The following NPHS1 variants were observed in gnomAD, a reference collection of about 807,000 sequenced individuals.
NPHS1 encodes nephrin.
A neutral mutation model predicts 139.7 loss-of-function variants in NPHS1; 107 were observed. That is an observed-to-expected ratio of 0.77 (90% CI 0.66 to 0.90). The LOEUF is 0.90. Ranked by LOEUF, NPHS1 falls within the 40% of genes least tolerant of loss-of-function variation. The pLI, the probability that NPHS1 is intolerant of heterozygous loss-of-function variation, is 0.00. For missense variants in NPHS1, 1,580 were observed against 1,654.2 expected, an observed-to-expected ratio of 0.96 and a Z score of 0.78; for synonymous variants, 707 against 706.6, an observed-to-expected ratio of 1.00 and a Z score of -0.01.
intron 23 of NPHS1, among the ~76,000 whole-genome samples, chr19:35,835,199 CAAAAAAA>C (rs71167570): frequency 2.8e-5 from 2 of 71,212 alleles, no homozygotes; most frequent in African/African-American, 1.1e-4. Context: ...GACTCTGTCT[CAAAAAAA>C]AAAAAAAAAA....
intron 22 of NPHS1, among the ~76,000 whole-genome samples, chr19:35,838,036 G>A (rs1340759365): frequency 6.6e-6 from 1 of 150,564 alleles, no homozygotes; most frequent in Non-Finnish European, 1.5e-5. Context: ...TGGATCACCT[G>A]AGGTCAGGAG....
In NPHS1 at chr19:35,849,495, C is replaced by T. The variant is rs1973197187; in HGVS notation, c.712+55G>A. The T allele has an allele frequency of 2.5e-6, 4 of 1,594,912 alleles. No individual in the cohort carries two copies. The African/African-American group carries it at 4.0e-5, about 16-fold the overall frequency. On this transcript the variant is annotated intron_variant, in intron 6 of 28. Transcript: ENST00000378910. ...ATAATCCCTGTGATCCCCCCACACC[C>T]CCCAGTGCCTGCTCCCCATCCTCAG...
At position 35,837,026 on chromosome 19, in the gene NPHS1, A is replaced by AAAAGAAAGAAAGAAAG. The variant is rs201666209; in HGVS notation, c.3110-1281_3110-1266dup. 8.2e-3 allele frequency among the ~76,000 whole-genome samples: 1,084 copies of AAAAGAAAGAAAGAAAG among 131,880 alleles called. 7 individuals are homozygous for AAAAGAAAGAAAGAAAG. The highest frequency in any genetic ancestry group is 0.01 in the Non-Finnish European group (667 of 64,190). The allele number at this position is 131,880 out of a possible 152,430, so 86.5% of individuals were successfully genotyped here. Reference sequence around the variant, plus strand: ...AAAAAAAAAAGAAAGAAAAGAAAAGAAAAGAAAGAAAGAAAGAAAGAAAGA... The same window carrying AAAAGAAAGAAAGAAAG: ...AAAAAAAAAAGAAAGAAAAGAAAAGAAAAGAAAGAAAGAAAGAAAGAAAGAAAGAAAGAAAGAAAGA... On this transcript the variant is annotated intron_variant, in intron 22 of 28. Coordinates refer to ENST00000378910, the MANE Select transcript of NPHS1 (RefSeq NM_004646.4).
Position 35,826,291 on chromosome 19 carries a change from T to C in NPHS1, c.*223A>G, listed in dbSNP as rs1972799775. On this transcript the variant is annotated 3_prime_UTR_variant, in exon 29 of 29. Transcript: ENST00000378910. ...ACGTTTACAATCTGCCCTGTCCTTTTGGAGAAGTTTAGTTTCTAAAGCCAA... is the reference window on the plus strand; with the variant it reads ...ACGTTTACAATCTGCCCTGTCCTTTCGGAGAAGTTTAGTTTCTAAAGCCAA... 1.8e-6 allele frequency: 1 copy of C among 561,760 alleles called. No individual in the cohort carries two copies. The highest frequency in any genetic ancestry group is 3.2e-6 in the Non-Finnish European group (1 of 313,642). 34.8% of individuals were successfully genotyped at this position (561,760 alleles called of 1,614,324 possible). A position where few individuals can be genotyped will look rare whatever the true frequency, so the allele number is the denominator to read the frequency against.
intron 23 of NPHS1, among the ~76,000 whole-genome samples, chr19:35,833,554 T>A (rs1489878631): frequency 2.0e-5 from 3 of 152,210 alleles, no homozygotes. Flanking sequence ...AGGGCTTCTC[T>A]GCCCCTCTGA....
intron 7 of NPHS1, 38 bp downstream of exon 7, chr19:35,849,198 A>G: frequency 1.9e-6 from 3 of 1,613,300 alleles, no homozygotes; most frequent in Non-Finnish European, 2.5e-6. Context: ...CCCAGACCCC[A>G]CTGTCCCCCC....
rs1214520037 is a variant in NPHS1, at chr19:35,850,345, G to A, written c.608+19C>T. The A allele has an allele frequency of 6.2e-7, 1 of 1,606,586 alleles. No individual in the cohort carries two copies. Among genetic ancestry groups the A allele is most frequent in the Non-Finnish European group, 8.5e-7 (1 of 1,173,126 alleles). On this transcript the variant is annotated intron_variant, in intron 5 of 28. Coordinates refer to ENST00000378910, the MANE Select transcript of NPHS1 (RefSeq NM_004646.4). Reference sequence around the variant, plus strand: ...GAAAATTAGGGGTCAAGGTTGGGGGGTTGTTTCAGTTTCCACACCTGGCTG... The same window carrying A: ...GAAAATTAGGGGTCAAGGTTGGGGGATTGTTTCAGTTTCCACACCTGGCTG...
Position 35,836,460 on chromosome 19 carries a change from G to A in NPHS1, c.3110-699C>T, listed in dbSNP as rs1227675332. Among the ~76,000 whole-genome samples, 4 of 151,988 alleles carry A rather than the reference G, an allele frequency of 2.6e-5. No individual in the cohort carries two copies. The East Asian group carries it at 5.8e-4, about 22-fold the overall frequency. On this transcript the variant is annotated intron_variant, in intron 22 of 28. Coordinates refer to ENST00000378910, the MANE Select transcript of NPHS1 (RefSeq NM_004646.4). ...GTTGATGAGCACTTTCGGTGTGCAAGGTCCTTTTCACCCGAATTATCAATT... is the reference window on the plus strand; with the variant it reads ...GTTGATGAGCACTTTCGGTGTGCAAAGTCCTTTTCACCCGAATTATCAATT...
Position 35,830,827 on chromosome 19 carries a change from G to A in NPHS1, c.3594+17C>T. 2 of 1,477,786 alleles carry A rather than the reference G, an allele frequency of 1.4e-6. No individual in the cohort carries two copies. Among genetic ancestry groups the A allele is most frequent in the African/African-American group, 1.4e-5 (1 of 72,406 alleles). 91.5% of individuals were successfully genotyped at this position (1,477,786 alleles called of 1,614,324 possible). ...GCACTAGCCAGGAAGGATGGTTGCT[G>A]ATGCAAAGCTTCTCACCATCTGCAC... On this transcript the variant is annotated intron_variant, in intron 28 of 28. Coordinates refer to ENST00000378910, the MANE Select transcript of NPHS1 (RefSeq NM_004646.4).
rs1973295160 is a variant in NPHS1, at chr19:35,852,487, C to T, written c.-650G>A. 6.6e-6 allele frequency among the ~76,000 whole-genome samples: 1 copy of T among 152,158 alleles called. No homozygotes were observed. Among genetic ancestry groups the T allele is most frequent in the African/African-American group, 2.4e-5 (1 of 41,450 alleles). On this transcript the variant is annotated 5_prime_UTR_variant, in exon 1 of 29. It introduces an in-frame stop codon into an upstream open reading frame of the 5' UTR. Coordinates refer to ENST00000378910, the MANE Select transcript of NPHS1 (RefSeq NM_004646.4). ...GCAGAGTCAGCCCTGCTCTCTGACC[C>T]AGCTTGAGCTCATTCTCACAGTGCA... is the stretch of plus-strand genomic sequence containing the variant.
At chr19:35,847,344 CTTTTTTTTTTTT>C (rs34920536) in intron 11 of NPHS1, among the ~76,000 whole-genome samples, 4 of 59,882 alleles carry the variant, frequency 6.7e-5, no homozygotes, top group Non-Finnish European at 9.0e-5. Flanking sequence ...TGTGCCCAGC[CTTTTTTTTTTTT>C]TTTTTTTTTT....
At chr19:35,847,891 T>C in intron 11 of NPHS1, 150 bp downstream of exon 11, 1 of 789,288 alleles carries the variant, frequency 1.3e-6, no homozygotes, top group Admixed American at 2.9e-5. Flanking sequence ...ATTTGTGTCT[T>C]TCCTGATTCC....
Position 35,844,243 on chromosome 19 carries a change from GC to G in NPHS1, c.2072-1del. ...CAGGATGCGATGCCGGGGGCCGCCC[GC>G]TGGGGAAGGCCAGAATAAGGGACCT... is the stretch of plus-strand genomic sequence containing the variant. On this transcript the variant is annotated splice_acceptor_variant, in intron 15 of 28. Coordinates refer to ENST00000378910, the MANE Select transcript of NPHS1 (RefSeq NM_004646.4). LOFTEE classifies it high-confidence loss of function. 6.2e-7 allele frequency: 1 copy of G among 1,613,364 alleles called. No individual in the cohort carries two copies. Among genetic ancestry groups the G allele is most frequent in the African/African-American group, 1.3e-5 (1 of 75,080 alleles).
intron 22 of NPHS1, among the ~76,000 whole-genome samples, chr19:35,836,087 G>A (rs867155202): frequency 7.0e-6 from 1 of 142,462 alleles, no homozygotes; most frequent in Non-Finnish European, 1.5e-5. Context: ...AGCCTCCCAA[G>A]TAGCTGGGAC....
rs1291134240 is a variant in NPHS1, at chr19:35,839,363, C to A, written c.2983G>T (p.Ala995Ser). Residue 995 changes from alanine (A) to serine (S), a missense_variant, in exon 22 of 29, where the codon GCC (alanine) becomes TCC (serine). Physicochemically the swap from Ala to Ser is moderately conservative, Grantham distance 99. Transcript: ENST00000378910. ...AGACCAGTCAGCGTGAAGGTGGTGG[C>A]CTGGGGTGGTACGACATCCACATAG... ...FHYVDVVPPQATTFTLTGLQP... is the reference protein window; with the variant it reads ...FHYVDVVPPQSTTFTLTGLQP... The A allele has an allele frequency of 1.9e-6, 3 of 1,614,046 alleles. No individual in the cohort carries two copies. The highest frequency in any genetic ancestry group is 2.5e-6 in the Non-Finnish European group (3 of 1,180,034).
rs749440197 is a variant in NPHS1 at position 35,843,467 on chromosome 19, C to T, written c.2334+5G>A. 5.6e-6 allele frequency: 9 copies of T among 1,614,036 alleles called. No homozygotes were observed. The highest frequency in any genetic ancestry group is 1.3e-5 in the African/African-American group (1 of 75,052). On this transcript the variant is annotated splice_donor_5th_base_variant and intron_variant, in intron 17 of 28. Transcript: ENST00000378910. ...ACCTCTATTCACCAAAGGCTGGATC[C>T]TCACCAGTCTCTCCCAGTTGAACAT...
chr19:35,845,964 T>TGC lies in NPHS1; in HGVS notation c.1627+43_1627+44insGC. 2.3e-5 allele frequency: 35 copies of TGC among 1,528,500 alleles called. No homozygotes were observed. The highest frequency in any genetic ancestry group is 2.0e-4 in the Middle Eastern group (1 of 5,088). The allele number at this position is 1,528,500 out of a possible 1,614,324, so 94.7% of individuals were successfully genotyped here. A position where few individuals can be genotyped will look rare whatever the true frequency, so the allele number is the denominator to read the frequency against. On this transcript the variant is annotated intron_variant, in intron 12 of 28. Coordinates refer to ENST00000378910, the MANE Select transcript of NPHS1 (RefSeq NM_004646.4). This position sits in a 1 kb window ranked among gnomAD's most constrained non-coding sequence, Gnocchi z 5.5. Reference sequence around the variant, plus strand: ...TGGGTCCCTGCCCCACCTGGCTCTGTCCCTCCCGCCCCGCCCCCGGGCCTC... The same window carrying TGC: ...TGGGTCCCTGCCCCACCTGGCTCTGTGCCCCTCCCGCCCCGCCCCCGGGCCTC...
chr19:35,828,331 T>A (rs1164862149), intron 28 of NPHS1, among the ~76,000 whole-genome samples: 1 of 152,082 alleles, frequency 6.6e-6, no homozygotes, highest in African/African-American at 2.4e-5. Flanking sequence ...AGTGGCGCAA[T>A]CTTGGCTCAC....
chr19:35,838,352 A>T (rs1347017713), intron 22 of NPHS1, among the ~76,000 whole-genome samples: 3 of 152,176 alleles, frequency 2.0e-5, no homozygotes, highest in Admixed American at 6.5e-5. Context: ...CAGGAGTTCA[A>T]GACCAGCCTG....
Sources: allele counts gnomAD v4.1 joint callset (sites outside exome capture counted in the v4.1 genomes callset), GRCh38; gene constraint gnomAD v4.1.1; non-coding constraint Gnocchi (gnomAD v3.1); transcripts MANE v1.5; gene names NCBI Gene and HGNC (gene_info 2026-07-23, HGNC 2026-07-21).